The following KAZN variants were observed in gnomAD, a reference collection of about 807,000 sequenced individuals.
The protein encoded by KAZN is kazrin.
In KAZN, 40 loss-of-function variants were observed where a neutral mutation model predicts 87.4. That is an observed-to-expected ratio of 0.46 (90% CI 0.36 to 0.60). The LOEUF (loss-of-function observed/expected upper bound fraction) is 0.60, where lower values mean the gene tolerates loss of function less well. Among genes scored for constraint, KAZN ranks in the 20% least tolerant of loss-of-function variants. The pLI is 0.00. For missense variants in KAZN, 898 were observed against 1,073.9 expected (o/e 0.84, Z 2.29); for synonymous variants, 466 against 458.3 (o/e 1.02, Z -0.22).
At chr1:14,374,610 T>C (rs957821002) in intron 2 of KAZN, among the ~76,000 whole-genome samples, 2 of 152,148 alleles carry the variant, frequency 1.3e-5, no homozygotes, top group Non-Finnish European at 2.9e-5. Context: ...CTAGTGATGA[T>C]CAAAGTTCAG....
intron 8 of KAZN, among the ~76,000 whole-genome samples, chr1:15,079,615 C>T (rs1000315): frequency 0.043 from 6,607 of 152,184 alleles, 218 homozygotes; most frequent in South Asian, 0.081. Context: ...TGCATGGGTG[C>T]GTGGAGAAGG....
At chr1:14,736,299 G>GTA (rs1158524467) in intron 1 of KAZN, among the ~76,000 whole-genome samples, 5 of 121,122 alleles carry the variant, frequency 4.1e-5, no homozygotes, top group African/African-American at 6.7e-5. Context: ...GTGTGTGTGT[G>GTA]TATATTTTTT....
intron 2 of KAZN, among the ~76,000 whole-genome samples, chr1:14,316,793 A>G (rs1032651862): frequency 5.3e-5 from 8 of 151,862 alleles, no homozygotes; most frequent in African/African-American, 1.9e-4. Flanking sequence ...TTGCCCATGG[A>G]TTATTCAGAA....
rs191858069 is a variant in KAZN at position 14,908,205 on chromosome 1, C to T, written c.227-52479C>T. On this transcript the variant is annotated intron_variant, in intron 1 of 14. Transcript: ENST00000376030. ...TTGAGGCCAGGAGTTCAAGACCAGCCTGGGCAACATAGCAAGACCCCTATC... is the reference window on the plus strand; with the variant it reads ...TTGAGGCCAGGAGTTCAAGACCAGCTTGGGCAACATAGCAAGACCCCTATC... 4.6e-3 allele frequency among the ~76,000 whole-genome samples: 694 copies of T among 150,744 alleles called. 6 individuals are homozygous for T. Among genetic ancestry groups the T allele is most frequent in the Non-Finnish European group, 8.2e-3 (557 of 67,688 alleles).
intron 1 of KAZN, among the ~76,000 whole-genome samples, chr1:14,911,205 C>T: frequency 6.6e-6 from 1 of 152,252 alleles, no homozygotes; most frequent in Admixed American, 6.5e-5. Context: ...GGACAGAGGT[C>T]AGGAAGCCTG....
chr1:13,969,144 C>T (rs1642048756), intron 1 of KAZN, among the ~76,000 whole-genome samples: 3 of 152,116 alleles, frequency 2.0e-5, no homozygotes, highest in Admixed American at 1.3e-4. Context: ...CAAGTTTCTG[C>T]CCTCAGGAAG....
At chr1:14,074,284 C>T (rs1643359169) in intron 1 of KAZN, among the ~76,000 whole-genome samples, 1 of 152,182 alleles carries the variant, frequency 6.6e-6, no homozygotes. Context: ...TCCCAGCCCC[C>T]AGCCCCCAGC....
At chr1:14,415,520 C>T (rs941232216) in intron 2 of KAZN, among the ~76,000 whole-genome samples, 8 of 152,142 alleles carry the variant, frequency 5.3e-5, no homozygotes, top group African/African-American at 1.7e-4. Flanking sequence ...GGTTCTTCCC[C>T]AGTCCTCGAC....
intron 1 of KAZN, among the ~76,000 whole-genome samples, chr1:14,883,951 G>T (rs184376722): frequency 6.6e-6 from 1 of 152,296 alleles, no homozygotes; most frequent in East Asian, 1.9e-4. Flanking sequence ...AAAGAATAGG[G>T]TACAGGAATG....
At chr1:14,779,109 C>T (rs546002663) in intron 1 of KAZN, among the ~76,000 whole-genome samples, 29 of 152,324 alleles carry the variant, frequency 1.9e-4, no homozygotes, top group African/African-American at 6.7e-4. Flanking sequence ...GTGTCACTTT[C>T]TCTGTGTTCC....
chr1:14,203,725 A>G (rs1646686349), intron 2 of KAZN, among the ~76,000 whole-genome samples: 1 of 152,256 alleles, frequency 6.6e-6, no homozygotes, highest in Non-Finnish European at 1.5e-5. Context: ...GTAATTTTAG[A>G]AACCATCATT....
chr1:14,544,350 C>CTTTTTTTTTTTTTTTTTTTTTGT (rs374148415), intron 2 of KAZN, among the ~76,000 whole-genome samples: 1 of 98,120 alleles, frequency 1.0e-5, no homozygotes, highest in Admixed American at 1.4e-4. Context: ...TTCTTTCTTT[C>CTTTTTTTTTTTTTTTTTTTTTGT]TTTTTTTTTT....
chr1:14,657,542 T>G (rs1043627478), intron 1 of KAZN, among the ~76,000 whole-genome samples: 4 of 152,214 alleles, frequency 2.6e-5, no homozygotes, highest in Non-Finnish European at 4.4e-5. Context: ...ACTACCCCAC[T>G]TGGGCTGTGT....
In KAZN at chr1:14,959,201, T is replaced by C. The variant is rs111926079; in HGVS notation, c.227-1483T>C. Among the ~76,000 whole-genome samples, 285 of 152,022 alleles carry C rather than the reference T, an allele frequency of 1.9e-3. 1 individual carries two copies. The highest frequency in any genetic ancestry group is 6.5e-3 in the African/African-American group (269 of 41,444). On this transcript the variant is annotated intron_variant, in intron 1 of 14. Coordinates refer to ENST00000376030, the MANE Select transcript of KAZN (RefSeq NM_201628.3). ...CCCCCACCCGCCCCTAGAGCCAACA[T>C]TGAGTTTGGGAAAGAGACAGATAAA...
intron 2 of KAZN, among the ~76,000 whole-genome samples, chr1:14,440,925 CCTT>C (rs1666663024): frequency 1.3e-5 from 2 of 152,160 alleles, no homozygotes; most frequent in South Asian, 2.1e-4. Flanking sequence ...CTGGCAGCAA[CCTT>C]CTTCTCTCCT....
intron 2 of KAZN, among the ~76,000 whole-genome samples, chr1:14,983,809 G>A (rs1429593466): frequency 6.6e-6 from 1 of 152,068 alleles, no homozygotes; most frequent in Non-Finnish European, 1.5e-5. Flanking sequence ...GGGCGTGGTG[G>A]CACGCTTCTG....
At chr1:14,713,328 C>G (rs1642588426) in intron 1 of KAZN, among the ~76,000 whole-genome samples, 1 of 152,202 alleles carries the variant, frequency 6.6e-6, no homozygotes, top group Non-Finnish European at 1.5e-5. Context: ...GTGTGAAGAA[C>G]TGGGGGCCTT....
chr1:14,334,916 G>C (rs1041547706), intron 2 of KAZN, among the ~76,000 whole-genome samples: 2 of 151,936 alleles, frequency 1.3e-5, no homozygotes, highest in Non-Finnish European at 2.9e-5. Context: ...GAGAGAAATA[G>C]AGAGGAAGAC....
chr1:14,354,675 C>CACAA (rs1658854793), intron 2 of KAZN, among the ~76,000 whole-genome samples: 1 of 150,260 alleles, frequency 6.7e-6, no homozygotes, highest in Admixed American at 6.6e-5. Context: ...CACACACACA[C>CACAA]ACACACACAC....
Sources: gnomAD v4.1 joint callset for allele counts (sites outside exome capture counted in the v4.1 genomes callset) on GRCh38, gnomAD v4.1.1 for gene constraint, MANE v1.5 for transcripts, NCBI Gene and HGNC (gene_info 2026-07-23, HGNC 2026-07-21) for gene names.